Variants in CHAC2 observed in about 807,000 individuals in gnomAD.
CHAC2 encodes glutathione-specific gamma-glutamylcyclotransferase 2.
Under a neutral mutation model 16.9 loss-of-function variants are expected in CHAC2, and 20 were observed. That is an observed-to-expected ratio of 1.18 (90% CI 0.83 to 1.72). CHAC2 has a LOEUF of 1.72. CHAC2 is among the 40% of genes most tolerant of loss of function. CHAC2 has a pLI of 0.00. For synonymous variants in CHAC2, 91 were observed against 77.3 expected (o/e 1.18, Z -0.93); for missense variants, 269 against 222.2 (o/e 1.21, Z -1.34).
chr2:53,774,103 G>A (rs768676498), intron 2 of CHAC2, 39 bp from the exon 3 acceptor site: 4 of 1,534,396 alleles, frequency 2.6e-6, no homozygotes, highest in African/African-American at 1.4e-5. Flanking sequence ...ATTTTAATTA[G>A]CCTTATAATA....
At chr2:53,772,847 T>G (rs1674038963) in intron 2 of CHAC2, among the ~76,000 whole-genome samples, 1 of 152,136 alleles carries the variant, frequency 6.6e-6, no homozygotes, top group Non-Finnish European at 1.5e-5. Flanking sequence ...GTTATTTTTC[T>G]AGATCCTCTC....
rs760179206 is a variant in CHAC2 at position 53,768,018 on chromosome 2, C to T, written c.132C>T (p.Gly44=). ...GCACGGACCACCGCGGGGTCCCCGG[C>T]AAGGTGAGGCGCCGGTCAGCTCCCC... is the stretch of plus-strand genomic sequence containing the variant. ...QGSTDHRGVP[G]KPGRVVTLVE... is the part of the protein sequence containing the mutation. Residue 44 remains glycine (G), a synonymous_variant, in exon 1 of 3, where the codon GGC becomes GGT. Transcript: ENST00000295304. 3.7e-6 allele frequency: 6 copies of T among 1,613,208 alleles called. No individual in the cohort carries two copies. The Admixed American group carries it at 1.0e-4, about 27-fold the overall frequency.
intron 2 of CHAC2, among the ~76,000 whole-genome samples, chr2:53,772,463 C>T (rs1372358229): frequency 6.6e-6 from 1 of 151,978 alleles, no homozygotes; most frequent in Non-Finnish European, 1.5e-5. Context: ...CATGAGCCAC[C>T]GCGCCCAGCC....
At chr2:53,768,428 A>G (rs913997179) in intron 1 of CHAC2, among the ~76,000 whole-genome samples, 10 of 152,240 alleles carry the variant, frequency 6.6e-5, no homozygotes, top group African/African-American at 2.4e-4. Flanking sequence ...GCTTTTTAGC[A>G]ATTAAATTTG....
intron 1 of CHAC2, chr2:53,768,243 C>T (rs2287341): frequency 0.2 from 103,197 of 523,914 alleles, 12,381 homozygotes; most frequent in East Asian, 0.42. Flanking sequence ...GGTGGTTAGT[C>T]TCTAGAGACG....
At chr2:53,771,332 T>C (rs542827369) in intron 1 of CHAC2, among the ~76,000 whole-genome samples, 2 of 151,962 alleles carry the variant, frequency 1.3e-5, no homozygotes, top group Non-Finnish European at 2.9e-5. Flanking sequence ...CTGGCCAACA[T>C]GGTAAACCCG....
intron 1 of CHAC2, among the ~76,000 whole-genome samples, chr2:53,768,656 A>C (rs969048268): frequency 6.6e-6 from 1 of 152,244 alleles, no homozygotes; most frequent in Non-Finnish European, 1.5e-5. Flanking sequence ...CATAGTACCA[A>C]ACTCATTACT....
At chr2:53,768,715 T>C (rs1470355969) in intron 1 of CHAC2, among the ~76,000 whole-genome samples, 1 of 152,258 alleles carries the variant, frequency 6.6e-6, no homozygotes, top group Non-Finnish European at 1.5e-5. Flanking sequence ...CTCATAATTA[T>C]AATATGAAAT....
Position 53,774,472 on chromosome 2 carries a change from G to T in CHAC2, c.502G>T (p.Glu168Ter), listed in dbSNP as rs72799216. Residue 168 changes from glutamate to a stop codon, truncating the protein, a stop_gained, in exon 3 of 3, where the codon GAA becomes TAA. Coordinates refer to ENST00000295304, the MANE Select transcript of CHAC2 (RefSeq NM_001008708.4). LOFTEE classifies it high-confidence loss of function. ...EEADEHLFAL[E>*]KLVKERLEGK... is the part of the protein sequence containing the mutation. ...AGCAGATGAGCATCTTTTCGCTTTG[G>T]AAAAATTAGTAAAGGAACGTTTAGA... The T allele has an allele frequency of 2.5e-6, 4 of 1,588,248 alleles. No homozygotes were observed. The highest frequency in any genetic ancestry group is 3.4e-6 in the Non-Finnish European group (4 of 1,171,614).
Position 53,767,897 on chromosome 2 carries a change from T to C in CHAC2, c.11T>C (p.Phe4Ser), listed in dbSNP as rs761385523. ...AGGAGCCGCGAGAAGATGTGGGTTTTTGGTTACGGGTCCCTGATCTGGAAG... is the reference window on the plus strand; with the variant it reads ...AGGAGCCGCGAGAAGATGTGGGTTTCTGGTTACGGGTCCCTGATCTGGAAG... MWVFGYGSLIWKVD... is the reference protein window; with the variant it reads MWVSGYGSLIWKVD... The change falls in exon 1 of 3, where the codon TTT becomes TCT. Residue 4 changes from phenylalanine to serine, a missense_variant. Phe to Ser is a radical substitution (Grantham distance 155). Transcript: ENST00000295304. The C allele has an allele frequency of 3.7e-6, 6 of 1,611,632 alleles. No individual in the cohort carries two copies. In the African/African-American group the frequency reaches 5.3e-5, roughly 14 times the overall value.
Position 53,774,594 on chromosome 2 carries a change from T to A in CHAC2, c.*69T>A. 3.3e-6 allele frequency: 4 copies of A among 1,202,656 alleles called. No individual in the cohort carries two copies. Among genetic ancestry groups the A allele is most frequent in the Non-Finnish European group, 4.6e-6 (4 of 873,076 alleles). The allele number at this position is 1,202,656 out of a possible 1,614,324, so 74.5% of individuals were successfully genotyped here. On this transcript the variant is annotated 3_prime_UTR_variant, in exon 3 of 3. Coordinates refer to ENST00000295304, the MANE Select transcript of CHAC2 (RefSeq NM_001008708.4). ...ATTTGGAAATACGTTTACTTAAAGA[T>A]CTTATTTTTAATGTAGTGAGGATAT...
intron 2 of CHAC2, among the ~76,000 whole-genome samples, chr2:53,773,794 G>A (rs1674122511): frequency 6.6e-6 from 1 of 151,880 alleles, no homozygotes; most frequent in East Asian, 2.0e-4. Flanking sequence ...CAGCACACTG[G>A]GAGGCCGAGG....
At chr2:53,769,701 C>G (rs1673757230) in intron 1 of CHAC2, among the ~76,000 whole-genome samples, 2 of 152,210 alleles carry the variant, frequency 1.3e-5, no homozygotes, top group African/African-American at 4.8e-5. Context: ...ACAAAATTAG[C>G]TGGGCGTGGT....
At position 53,767,953 on chromosome 2, in the gene CHAC2, G is replaced by T. The variant is rs144785033; in HGVS notation, c.67G>T (p.Gly23Ter). The change falls in exon 1 of 3, where the codon GGA becomes TGA. Residue 23 changes from glycine (G) to a stop codon, truncating the protein, a stop_gained. Coordinates refer to ENST00000295304, the MANE Select transcript of CHAC2 (RefSeq NM_001008708.4). LOFTEE classifies it high-confidence loss of function. ...VDFPYQDKLV[G>*]YITNYSRRFW... is the part of the protein sequence containing the mutation. ...TTTCCCCTATCAGGACAAGCTGGTCGGATACATCACCAACTACAGCAGGCG... is the reference window on the plus strand; with the variant it reads ...TTTCCCCTATCAGGACAAGCTGGTCTGATACATCACCAACTACAGCAGGCG... 2 of 1,613,990 alleles carry T rather than the reference G, an allele frequency of 1.2e-6. No individual in the cohort carries two copies. Among genetic ancestry groups the T allele is most frequent in the African/African-American group, 2.7e-5 (2 of 74,914 alleles).
At chr2:53,769,965 T>C (rs1450692711) in intron 1 of CHAC2, among the ~76,000 whole-genome samples, 1 of 152,236 alleles carries the variant, frequency 6.6e-6, no homozygotes, top group African/African-American at 2.4e-5. Flanking sequence ...TTAGTTTGCA[T>C]TCTAGAATGA....
chr2:53,772,443 G>A (rs966278594), intron 2 of CHAC2, among the ~76,000 whole-genome samples: 15 of 151,964 alleles, frequency 9.9e-5, no homozygotes, highest in African/African-American at 3.4e-4. Flanking sequence ...CAAAGTGCTG[G>A]GATTACAGGC....
At chr2:53,768,254 G>A (rs1673635697) in intron 1 of CHAC2, 1 of 483,176 alleles carries the variant, frequency 2.1e-6, no homozygotes, top group Non-Finnish European at 3.6e-6. Flanking sequence ...TCTAGAGACG[G>A]CGAGAAGCGC....
chr2:53,769,419 A>T lies in CHAC2; in HGVS notation c.135+1398A>T, dbSNP rs17045212. ...GTATTAAATATTTATGTATGTGGCTATAACAACATACTTTACTAGTCTTGA... is the reference window on the plus strand; with the variant it reads ...GTATTAAATATTTATGTATGTGGCTTTAACAACATACTTTACTAGTCTTGA... On this transcript the variant is annotated intron_variant, in intron 1 of 2. Transcript: ENST00000295304. 1.2e-3 allele frequency among the ~76,000 whole-genome samples: 178 copies of T among 152,394 alleles called. 2 individuals are homozygous for T. In the East Asian group the frequency reaches 0.02, roughly 17 times the overall value.
chr2:53,770,440 A>G (rs1673818657), intron 1 of CHAC2, among the ~76,000 whole-genome samples: 1 of 150,648 alleles, frequency 6.6e-6, no homozygotes, highest in Admixed American at 6.6e-5. Context: ...ATTCCCATGA[A>G]TGATGTTAAG....
Sources: allele counts gnomAD v4.1 joint callset (sites outside exome capture counted in the v4.1 genomes callset), GRCh38; gene constraint gnomAD v4.1.1; transcripts MANE v1.5; gene names NCBI Gene and HGNC (gene_info 2026-07-23, HGNC 2026-07-21).